PPFIA2: variants seen among roughly 807,000 people sequenced by gnomAD.
PPFIA2 encodes liprin-alpha-2.
A neutral mutation model predicts 175.5 loss-of-function variants in PPFIA2; 46 were observed. That is an observed-to-expected ratio of 0.26 (90% CI 0.21 to 0.34). The LOEUF (loss-of-function observed/expected upper bound fraction) is 0.34, where lower values mean the gene tolerates loss of function less well. Among genes scored for constraint, PPFIA2 ranks in the 10% least tolerant of loss-of-function variants. The pLI, the probability that PPFIA2 is intolerant of heterozygous loss-of-function variation, is 1.00. For missense variants in PPFIA2, 1,179 were observed against 1,506.1 expected (o/e 0.78, Z 3.60); for synonymous variants, 568 against 511.4 (o/e 1.11, Z -1.49).
Position 81,353,411 on chromosome 12 carries a change from G to T in PPFIA2, c.1774-72C>A, listed in dbSNP as rs2060349410. On this transcript the variant is annotated intron_variant, in intron 16 of 32. Transcript: ENST00000549396. ...TTTCAAAGCATTAATCTCAAAGACA[G>T]CAACAACAACAGGCATGCTTTTACA... 6 of 1,083,442 alleles carry T rather than the reference G, an allele frequency of 5.5e-6. 1 individual carries two copies. The Admixed American group carries it at 7.6e-5, about 14-fold the overall frequency. The allele number at this position is 1,083,442 out of a possible 1,614,324, so 67.1% of individuals were successfully genotyped here. A position where few individuals can be genotyped will look rare whatever the true frequency, so the allele number is the denominator to read the frequency against.
chr12:81,447,283 A>G (rs1383968070), intron 5 of PPFIA2, among the ~76,000 whole-genome samples: 1 of 152,164 alleles, frequency 6.6e-6, no homozygotes, highest in Non-Finnish European at 1.5e-5. Flanking sequence ...GCATAAATCC[A>G]AGCTGTTTTA....
chr12:81,442,077 C>A (rs1478999127), intron 6 of PPFIA2, among the ~76,000 whole-genome samples: 1 of 151,958 alleles, frequency 6.6e-6, no homozygotes, highest in African/African-American at 2.4e-5. Flanking sequence ...CTATTTACTA[C>A]AAGTTAAGCA....
chr12:81,662,302 A>T (rs2069056712), intron 4 of PPFIA2, among the ~76,000 whole-genome samples: 1 of 152,330 alleles, frequency 6.6e-6, no homozygotes, highest in Non-Finnish European at 1.5e-5. Context: ...ATAGACCACT[A>T]GCAAGACTAA....
chr12:81,637,802 G>T (rs1296376841), intron 4 of PPFIA2, among the ~76,000 whole-genome samples: 1 of 152,028 alleles, frequency 6.6e-6, no homozygotes, highest in East Asian at 1.9e-4. Context: ...TCTTTGTCCT[G>T]CACATGTATC....
At chr12:81,335,950 T>C (rs2057060011) in intron 21 of PPFIA2, among the ~76,000 whole-genome samples, 1 of 152,184 alleles carries the variant, frequency 6.6e-6, no homozygotes, top group Non-Finnish European at 1.5e-5. Context: ...TACTTACAAA[T>C]GGAATTTGAA....
At chr12:81,297,796 T>C (rs1014055576) in intron 23 of PPFIA2, among the ~76,000 whole-genome samples, 2 of 152,234 alleles carry the variant, frequency 1.3e-5, no homozygotes, top group Non-Finnish European at 2.9e-5. Context: ...ATAAATGGCA[T>C]GTGAAGCATG....
intron 4 of PPFIA2, among the ~76,000 whole-genome samples, chr12:81,467,452 G>T (rs1009713705): frequency 6.6e-6 from 1 of 152,190 alleles, no homozygotes; most frequent in Non-Finnish European, 1.5e-5. Context: ...ACTGTGGGAG[G>T]CCAAGGCGAG....
At chr12:81,462,585 C>CAT (rs71098145) in intron 4 of PPFIA2, among the ~76,000 whole-genome samples, 64,767 of 124,114 alleles carry the variant, frequency 0.52, 17,644 homozygotes, top group Non-Finnish European at 0.64. Context: ...TATATATATA[C>CAT]ATATATATAT....
At chr12:81,707,240 C>A (rs984845765) in intron 3 of PPFIA2, among the ~76,000 whole-genome samples, 3 of 151,834 alleles carry the variant, frequency 2.0e-5, no homozygotes, top group East Asian at 1.9e-4. Context: ...AGGCAACCCA[C>A]AAAATGGGAG....
rs551299180 is a variant in PPFIA2 at position 81,615,365 on chromosome 12, T to C, written c.303+61426A>G. Reference sequence around the variant, plus strand: ...GAGATGTCACATAGCCAGGTGGATATACAAATCTGGACACCACATTAGCAT... The same window carrying C: ...GAGATGTCACATAGCCAGGTGGATACACAAATCTGGACACCACATTAGCAT... On this transcript the variant is annotated intron_variant, in intron 4 of 32. Transcript: ENST00000549396. Among the ~76,000 whole-genome samples the C allele has an allele frequency of 3.3e-5, 5 of 152,282 alleles. No homozygotes were observed. The East Asian group carries it at 7.7e-4, about 24-fold the overall frequency.
In PPFIA2 at chr12:81,428,670, C is replaced by A. The variant is rs59099894; in HGVS notation, c.645+11302G>T. On this transcript the variant is annotated intron_variant, in intron 7 of 32. Coordinates refer to ENST00000549396, the MANE Select transcript of PPFIA2 (RefSeq NM_003625.5). ...GTAAATAACTACTGGTTTAACAATACTGAAACTTTTAGTTTACCAATCTAA... is the reference window on the plus strand; with the variant it reads ...GTAAATAACTACTGGTTTAACAATAATGAAACTTTTAGTTTACCAATCTAA... 7.7e-3 allele frequency among the ~76,000 whole-genome samples: 1,169 copies of A among 151,832 alleles called. 19 individuals are homozygous for A. The highest frequency in any genetic ancestry group is 0.027 in the African/African-American group (1,118 of 41,462).
intron 3 of PPFIA2, among the ~76,000 whole-genome samples, chr12:81,707,292 C>A (rs1463938551): frequency 6.6e-6 from 1 of 151,600 alleles, no homozygotes; most frequent in Admixed American, 6.6e-5. Flanking sequence ...GGCTAATATC[C>A]AGAATCTACA....
rs118128228 is a variant in PPFIA2, at chr12:81,500,840, A to C, written c.304-42974T>G. 3.0e-3 allele frequency among the ~76,000 whole-genome samples: 462 copies of C among 152,286 alleles called. 6 individuals carry two copies. Among genetic ancestry groups the C allele is most frequent in the East Asian group, 0.029 (149 of 5,176 alleles). ...AATTTTATCTGTTAATTTAACCCTGATTTCTCAGCAGCAGCTTCTCTTTGT... is the reference window on the plus strand; with the variant it reads ...AATTTTATCTGTTAATTTAACCCTGCTTTCTCAGCAGCAGCTTCTCTTTGT... On this transcript the variant is annotated intron_variant, in intron 4 of 32. Transcript: ENST00000549396.
At chr12:81,422,003 AC>A (rs1283551695) in intron 7 of PPFIA2, among the ~76,000 whole-genome samples, 8 of 151,408 alleles carry the variant, frequency 5.3e-5, no homozygotes, top group African/African-American at 1.9e-4. Flanking sequence ...TAAGTCTAGA[AC>A]TGTCTCTAGA....
At chr12:81,580,468 C>A (rs950432416) in intron 4 of PPFIA2, among the ~76,000 whole-genome samples, 2 of 151,526 alleles carry the variant, frequency 1.3e-5, no homozygotes, top group African/African-American at 4.8e-5. Flanking sequence ...GGTTGAACAT[C>A]AAACAGATTG....
chr12:81,664,561 A>G (rs1050765140), intron 4 of PPFIA2, among the ~76,000 whole-genome samples: 1 of 152,078 alleles, frequency 6.6e-6, no homozygotes, highest in Non-Finnish European at 1.5e-5. Flanking sequence ...GGATGTGGAG[A>G]AATAGGAACA....
intron 4 of PPFIA2, among the ~76,000 whole-genome samples, chr12:81,649,196 A>T (rs1439918562): frequency 6.6e-6 from 1 of 152,192 alleles, no homozygotes; most frequent in African/African-American, 2.4e-5. Flanking sequence ...AATATTTATA[A>T]AACACATATC....
At chr12:81,415,201 AAAAAAAAAAATATATATATATATATATAT>A (rs2044833756) in intron 7 of PPFIA2, among the ~76,000 whole-genome samples, 2 of 58,490 alleles carry the variant, frequency 3.4e-5, no homozygotes, top group African/African-American at 6.3e-5. Flanking sequence ...AAAAAAAAAA[AAAAAAAAAAATATATATATATATATATAT>A]ATATATATAT....
intron 4 of PPFIA2, among the ~76,000 whole-genome samples, chr12:81,637,604 C>T (rs2064278636): frequency 6.6e-6 from 1 of 152,032 alleles, no homozygotes. Flanking sequence ...TGCCTGATTC[C>T]TCTGTTACAC....
Sources: allele counts gnomAD v4.1 joint callset (sites outside exome capture counted in the v4.1 genomes callset), GRCh38; gene constraint gnomAD v4.1.1; transcripts MANE v1.5; gene names NCBI Gene and HGNC (gene_info 2026-07-23, HGNC 2026-07-21).